Variants in CACNA1B observed in about 807,000 individuals in gnomAD.
The protein encoded by CACNA1B is calcium voltage-gated channel subunit alpha1 B.
A neutral mutation model predicts 247.2 loss-of-function variants in CACNA1B; 70 were observed. That is an observed-to-expected ratio of 0.28 (90% CI 0.23 to 0.35). The LOEUF (loss-of-function observed/expected upper bound fraction) is 0.35, where lower values mean the gene tolerates loss of function less well. Among genes scored for constraint, CACNA1B ranks in the 10% least tolerant of loss-of-function variants. The pLI is 1.00. For synonymous variants in CACNA1B, 1,231 were observed against 1,294.4 expected (o/e 0.95, Z 1.05); for missense variants, 2,367 against 3,197.4 (o/e 0.74, Z 6.26).
intron 10 of CACNA1B, among the ~76,000 whole-genome samples, chr9:137,959,795 A>G (rs537231766): frequency 1.5e-4 from 23 of 152,250 alleles, no homozygotes; most frequent in Admixed American, 1.4e-3. Flanking sequence ...GGGGGCCGCG[A>G]CACTGGAGAA....
intron 20 of CACNA1B, among the ~76,000 whole-genome samples, chr9:138,027,286 ATTAC>A (rs1958932861): frequency 6.6e-6 from 1 of 152,118 alleles, no homozygotes; most frequent in Non-Finnish European, 1.5e-5. Flanking sequence ...GGTCCCTATT[ATTAC>A]TTCTACTAGA....
chr9:137,904,796 C>T (rs1957279480), intron 3 of CACNA1B, among the ~76,000 whole-genome samples: 2 of 152,104 alleles, frequency 1.3e-5, no homozygotes, highest in African/African-American at 2.4e-5. Context: ...TGTCTGCCAT[C>T]GGTGATCATT....
chr9:137,984,382 T>A, intron 13 of CACNA1B, 132 bp downstream of exon 13: 1 of 698,580 alleles, frequency 1.4e-6, no homozygotes, highest in Non-Finnish European at 2.4e-6. Flanking sequence ...TTGATTTAAA[T>A]ACAAAAGGTG....
At chr9:138,104,301 G>A (rs190903931) in intron 38 of CACNA1B, among the ~76,000 whole-genome samples, 41 of 152,114 alleles carry the variant, frequency 2.7e-4, no homozygotes, top group Non-Finnish European at 4.6e-4. Context: ...CCTGGGGAGG[G>A]CAGCCCTCCA....
chr9:138,036,844 A>T (rs184358131), intron 20 of CACNA1B, among the ~76,000 whole-genome samples: 1 of 152,322 alleles, frequency 6.6e-6, no homozygotes. Context: ...TACGCCAATA[A>T]GCATGTCTGA....
intron 6 of CACNA1B, among the ~76,000 whole-genome samples, chr9:137,921,049 T>TGGG (rs1554926584): frequency 5.3e-5 from 8 of 152,104 alleles, no homozygotes; most frequent in African/African-American, 1.9e-4. Flanking sequence ...AACAGCAGGC[T>TGGG]GATGAGCATT....
At chr9:138,085,665 C>G (rs1960671153) in intron 36 of CACNA1B, among the ~76,000 whole-genome samples, 1 of 151,096 alleles carries the variant, frequency 6.6e-6, no homozygotes, top group South Asian at 2.1e-4. Flanking sequence ...TAACAGAATC[C>G]CCCGTTAGAC....
At chr9:137,996,447 T>C (rs895965025) in intron 15 of CACNA1B, among the ~76,000 whole-genome samples, 1 of 152,050 alleles carries the variant, frequency 6.6e-6, no homozygotes, top group South Asian at 2.1e-4. Context: ...CACTCATAAG[T>C]GGGAGCTGAG....
At position 138,114,400 on chromosome 9, in the gene CACNA1B, G is replaced by A. The variant is rs202088039; in HGVS notation, c.5559G>A (p.Lys1853=). The A allele has an allele frequency of 5.1e-6, 8 of 1,583,538 alleles. No homozygotes were observed. Among genetic ancestry groups the A allele is most frequent in the Non-Finnish European group, 6.9e-6 (8 of 1,159,558 alleles). The change falls in exon 41 of 47, where the codon AAG becomes AAA. Residue 1853 remains lysine, a synonymous_variant. Transcript: ENST00000371372. ...PHKPDEMTVG[K]VYAALMIFDF... ...CAGCTGATGAGATGACAGTGGGGAA[G>A]GTTTATGCAGCTCTGATGATATTCG...
In CACNA1B at chr9:137,882,649, C is replaced by G; in HGVS notation, c.391-95C>G. 1 of 1,428,608 alleles carries G rather than the reference C, an allele frequency of 7.0e-7. No individual in the cohort carries two copies. The highest frequency in any genetic ancestry group is 9.7e-7 in the Non-Finnish European group (1 of 1,025,676). The allele number at this position is 1,428,608 out of a possible 1,614,324, so 88.5% of individuals were successfully genotyped here. A position where few individuals can be genotyped will look rare whatever the true frequency, so the allele number is the denominator to read the frequency against. ...GTCAGACCCTCACGATAGCTGTGGC[C>G]TGCACATGGTGGGGTGGGGTCCTCA... On this transcript the variant is annotated intron_variant, in intron 2 of 46. Transcript: ENST00000371372. This position sits in a 1 kb window ranked among gnomAD's most constrained non-coding sequence, Gnocchi z 4.0.
rs1958142186 is a variant in CACNA1B, at chr9:137,971,170, C to G, written c.1334-213C>G. On this transcript the variant is annotated intron_variant, in intron 10 of 46. Transcript: ENST00000371372. This position sits in a 1 kb window ranked among gnomAD's most constrained non-coding sequence, Gnocchi z 4.4. ...GTACAGATCATCCACTTCAATCTGG[C>G]TCTCACATCTGGCACCCAGTAACCA... is the stretch of plus-strand genomic sequence containing the variant. 6.6e-6 allele frequency among the ~76,000 whole-genome samples: 1 copy of G among 152,152 alleles called. No homozygotes were observed. Among genetic ancestry groups the G allele is most frequent in the Non-Finnish European group, 1.5e-5 (1 of 68,026 alleles).
At position 138,087,588 on chromosome 9, in the gene CACNA1B, G is replaced by A. The variant is rs148537130; in HGVS notation, c.5095-8896G>A. Among the ~76,000 whole-genome samples, 19 of 150,326 alleles carry A rather than the reference G, an allele frequency of 1.3e-4. 1 individual carries two copies. The highest frequency in any genetic ancestry group is 9.8e-4 in the East Asian group (5 of 5,090). On this transcript the variant is annotated intron_variant, in intron 36 of 46. Coordinates refer to ENST00000371372, the MANE Select transcript of CACNA1B (RefSeq NM_000718.4). ...AAATTAGCCGTGTGTGGTAGCACGCGCCTGTAGTCCCAGCTACTTGGGAGG... is the reference window on the plus strand; with the variant it reads ...AAATTAGCCGTGTGTGGTAGCACGCACCTGTAGTCCCAGCTACTTGGGAGG...
intron 5 of CACNA1B, among the ~76,000 whole-genome samples, chr9:137,915,141 T>C (rs1467280567): frequency 6.6e-6 from 1 of 152,240 alleles, no homozygotes. Context: ...TGGAGCCGTG[T>C]GGCCACCTGG....
At position 138,102,593 on chromosome 9, in the gene CACNA1B, G is replaced by C; in HGVS notation, c.5223-118G>C. 1.8e-6 allele frequency: 1 copy of C among 550,128 alleles called. No homozygotes were observed. The highest frequency in any genetic ancestry group is 3.2e-6 in the Non-Finnish European group (1 of 309,126). 34.1% of individuals were successfully genotyped at this position (550,128 alleles called of 1,614,324 possible). On this transcript the variant is annotated intron_variant, in intron 37 of 46. Transcript: ENST00000371372. This position sits in a 1 kb window ranked among gnomAD's most constrained non-coding sequence, Gnocchi z 5.4. Reference sequence around the variant, plus strand: ...TCCGACACTTTGATTAACTGGCTCTGTTTTCTTGTCTGCTTCCTCCCTGCC... The same window carrying C: ...TCCGACACTTTGATTAACTGGCTCTCTTTTCTTGTCTGCTTCCTCCCTGCC...
chr9:138,079,698 G>A (rs933525888), intron 36 of CACNA1B, among the ~76,000 whole-genome samples: 7 of 145,194 alleles, frequency 4.8e-5, no homozygotes, highest in Admixed American at 2.8e-4. Context: ...AGCCGAGATC[G>A]CGCCATTGTA....
intron 6 of CACNA1B, among the ~76,000 whole-genome samples, chr9:137,946,722 G>GT (rs1314079188): frequency 6.6e-6 from 1 of 152,232 alleles, no homozygotes; most frequent in African/African-American, 2.4e-5. Context: ...GAGACCTGCA[G>GT]TTGCCTCCAT....
chr9:137,964,825 T>C (rs1053777021), intron 10 of CACNA1B, among the ~76,000 whole-genome samples: 7 of 152,262 alleles, frequency 4.6e-5, no homozygotes, highest in African/African-American at 1.7e-4. Flanking sequence ...TTTCTCATCT[T>C]TGTGGGCTTA....
intron 6 of CACNA1B, among the ~76,000 whole-genome samples, chr9:137,922,997 A>G (rs530145022): frequency 1.3e-5 from 2 of 152,316 alleles, no homozygotes; most frequent in African/African-American, 2.4e-5. Context: ...TCTATAATTT[A>G]GTCATTTTGA....
At chr9:138,032,323 T>C (rs1958997174) in intron 20 of CACNA1B, among the ~76,000 whole-genome samples, 1 of 152,150 alleles carries the variant, frequency 6.6e-6, no homozygotes. Flanking sequence ...CCATTTGTAA[T>C]GTAATTGTCT....
Sources: allele counts gnomAD v4.1 joint callset (sites outside exome capture counted in the v4.1 genomes callset), GRCh38; gene constraint gnomAD v4.1.1; non-coding constraint Gnocchi (gnomAD v3.1); transcripts MANE v1.5; gene names NCBI Gene and HGNC (gene_info 2026-07-23, HGNC 2026-07-21).